Variants in FBXL14 observed in about 807,000 individuals in gnomAD.
The protein encoded by FBXL14 is F-box/LRR-repeat protein 14.
FBXL14 carries 11 observed loss-of-function variants against 24.5 expected under a neutral mutation model. The observed-to-expected ratio is 0.45, with a 90% CI of 0.28 to 0.74. The LOEUF is 0.74. Among genes scored for constraint, FBXL14 ranks in the 30% least tolerant of loss-of-function variants. The pLI, the probability that FBXL14 is intolerant of heterozygous loss-of-function variation, is 0.12. For missense variants in FBXL14, 384 were observed against 545.6 expected, an observed-to-expected ratio of 0.70 and a Z score of 2.95; for synonymous variants, 294 against 240.4, an observed-to-expected ratio of 1.22 and a Z score of -2.06.
intron 1 of FBXL14, among the ~76,000 whole-genome samples, chr12:1,584,608 C>A (rs942801060): frequency 1.3e-5 from 2 of 152,218 alleles, no homozygotes; most frequent in Non-Finnish European, 2.9e-5. Flanking sequence ...CTACTCCAGG[C>A]TCTGGAAACT....
chr12:1,572,132 G>GA (rs1384147921), intron 1 of FBXL14, among the ~76,000 whole-genome samples: 7 of 151,368 alleles, frequency 4.6e-5, no homozygotes, highest in African/African-American at 1.2e-4. Context: ...TGGGGGCAGT[G>GA]AAAAAAAAAG....
In FBXL14 at chr12:1,593,926, C is replaced by G; in HGVS notation, c.141G>C (p.Gly47=). 10 of 1,578,060 alleles carry G rather than the reference C, an allele frequency of 6.3e-6. No homozygotes were observed. Among genetic ancestry groups the G allele is most frequent in the Non-Finnish European group, 7.7e-6 (9 of 1,169,178 alleles). ...DAAYHKSVWR[G]VEAKLHLRRA... ...GGCGCAGGTGCAGCTTGGCCTCCAC[C>G]CCCCGCCACACCGACTTGTGGTAGG... The change falls in exon 1 of 2, where the codon GGG becomes GGC. Residue 47 remains glycine, a synonymous_variant. Coordinates refer to ENST00000339235, the MANE Select transcript of FBXL14 (RefSeq NM_152441.3). The surrounding 1 kb of genome is among the most constrained non-coding windows in gnomAD (Gnocchi z 7.4).
intron 1 of FBXL14, among the ~76,000 whole-genome samples, chr12:1,578,084 T>A (rs936945244): frequency 4.6e-5 from 7 of 152,210 alleles, no homozygotes; most frequent in South Asian, 2.1e-4. Context: ...AACTGCGATA[T>A]AATTTCCTTC....
At position 1,576,390 on chromosome 12, in the gene FBXL14, G is replaced by A. The variant is rs183945214; in HGVS notation, c.1195-9580C>T. ...AGTAAAATAGGTTGAAACTGACATC[G>A]AGGGCAGCTTCAAGAAGGTGGGGAG... is the stretch of plus-strand genomic sequence containing the variant. On this transcript the variant is annotated intron_variant, in intron 1 of 1. Transcript: ENST00000339235. Among the ~76,000 whole-genome samples, 4 of 152,118 alleles carry A rather than the reference G, an allele frequency of 2.6e-5. No individual in the cohort carries two copies. In the East Asian group the frequency reaches 5.8e-4, roughly 22 times the overall value.
At chr12:1,590,918 C>T (rs1278711516) in intron 1 of FBXL14, among the ~76,000 whole-genome samples, 4 of 152,198 alleles carry the variant, frequency 2.6e-5, no homozygotes, top group South Asian at 4.1e-4. Flanking sequence ...TTCACATCCT[C>T]CCCACACCCA....
In FBXL14 at chr12:1,566,285, A is replaced by G. The variant is rs971462094; in HGVS notation, c.*463T>C. 2.0e-5 allele frequency: 3 copies of G among 152,500 alleles called. No individual in the cohort carries two copies. The highest frequency in any genetic ancestry group is 4.4e-5 in the Non-Finnish European group (3 of 68,126). The allele number at this position is 152,500 out of a possible 1,614,324, so 9.4% of individuals were successfully genotyped here. ...TGAATTCCTTGTGTGTCCAGCTATC[A>G]CTATGTAATGATATTTTACGTTCTC... is the stretch of plus-strand genomic sequence containing the variant. On this transcript the variant is annotated 3_prime_UTR_variant, in exon 2 of 2. Transcript: ENST00000339235.
At chr12:1,586,966 GGT>G (rs2094477944) in intron 1 of FBXL14, among the ~76,000 whole-genome samples, 1 of 152,164 alleles carries the variant, frequency 6.6e-6, no homozygotes, top group African/African-American at 2.4e-5. Flanking sequence ...GGCCGGGCGC[GGT>G]GGCTCATGCC....
Position 1,593,971 on chromosome 12 carries a change from G to T in FBXL14, c.96C>A (p.Cys32Ter). ...GGTAGGCGGCGTCCCGCCAGGCGGT[G>T]CACACCTGCGCCGCGCGCCCCTTGT... Reference protein sequence around the residue: ...VRDKGRAAQVCTAWRDAAYHK... With the variant: ...VRDKGRAAQV Residue 32 changes from cysteine (C) to a stop codon, truncating the protein, a stop_gained, in exon 1 of 2, where the codon TGC (cysteine) becomes TGA (stop). Transcript: ENST00000339235. LOFTEE classifies it high-confidence loss of function. This position sits in a 1 kb window ranked among gnomAD's most constrained non-coding sequence, Gnocchi z 7.4. 1 of 1,587,218 alleles carries T rather than the reference G, an allele frequency of 6.3e-7. No individual in the cohort carries two copies. Among genetic ancestry groups the T allele is most frequent in the South Asian group, 1.1e-5 (1 of 89,562 alleles).
intron 1 of FBXL14, among the ~76,000 whole-genome samples, chr12:1,581,652 G>A: frequency 6.6e-6 from 1 of 152,212 alleles, no homozygotes; most frequent in East Asian, 1.9e-4. Context: ...CACAGAACTA[G>A]AGTGACAGCC....
chr12:1,574,421 T>TGGATGGAGGCTG, intron 1 of FBXL14, among the ~76,000 whole-genome samples: 2 of 20,696 alleles, frequency 9.7e-5, no homozygotes, highest in East Asian at 1.1e-3. Flanking sequence ...GGCAGTGGTG[T>TGGATGGAGGCTG]GGGTGGAGCC....
chr12:1,578,049 A>G (rs549386212), intron 1 of FBXL14, among the ~76,000 whole-genome samples: 18 of 152,320 alleles, frequency 1.2e-4, no homozygotes, highest in African/African-American at 4.1e-4. Flanking sequence ...GTTTGACACA[A>G]TGAACTTTAG....
At chr12:1,573,821 A>G (rs1181634353) in intron 1 of FBXL14, among the ~76,000 whole-genome samples, 4 of 152,182 alleles carry the variant, frequency 2.6e-5, no homozygotes, top group Admixed American at 2.6e-4. Context: ...CCTGACCAAC[A>G]TGGAGAAACC....
intron 1 of FBXL14, among the ~76,000 whole-genome samples, 158 bp from the exon 2 acceptor site, chr12:1,566,968 C>T (rs867495773): frequency 2.3e-4 from 35 of 152,226 alleles, no homozygotes; most frequent in African/African-American, 7.5e-4. Context: ...AGCCATCTCC[C>T]GGCTCACTTA....
intron 1 of FBXL14, among the ~76,000 whole-genome samples, chr12:1,571,267 G>GCC (rs2094445071): frequency 6.6e-6 from 1 of 152,006 alleles, no homozygotes; most frequent in Non-Finnish European, 1.5e-5. Context: ...GGAGTGCAAT[G>GCC]GCATGATCTC....
Position 1,566,001 on chromosome 12 carries a change from A to G in FBXL14, c.*747T>C, listed in dbSNP as rs550119207. 9 of 152,642 alleles carry G rather than the reference A, an allele frequency of 5.9e-5. 1 individual carries two copies. The highest frequency in any genetic ancestry group is 2.2e-4 in the African/African-American group (9 of 41,464). 9.5% of individuals were successfully genotyped at this position (152,642 alleles called of 1,614,324 possible). A position where few individuals can be genotyped will look rare whatever the true frequency, so the allele number is the denominator to read the frequency against. On this transcript the variant is annotated 3_prime_UTR_variant, in exon 2 of 2. Transcript: ENST00000339235. ...ACAACAAAAAACCCAAATGGAATCT[A>G]TAAAGGGAAGACAGATATATTCTAC...
intron 1 of FBXL14, among the ~76,000 whole-genome samples, chr12:1,581,542 G>A (rs1051484708): frequency 2.0e-5 from 3 of 152,166 alleles, no homozygotes; most frequent in South Asian, 2.1e-4. Flanking sequence ...GGCCTGTCCC[G>A]GAAATGCTTT....
chr12:1,567,127 C>T lies in FBXL14; in HGVS notation c.1195-317G>A, dbSNP rs1345519149. Reference sequence around the variant, plus strand: ...GCCTCTTTACAGCAGCTGCCTTTACCCGGTCACAGCCACTATCAAGAAAAA... The same window carrying T: ...GCCTCTTTACAGCAGCTGCCTTTACTCGGTCACAGCCACTATCAAGAAAAA... On this transcript the variant is annotated intron_variant, in intron 1 of 1. Transcript: ENST00000339235. The surrounding 1 kb of genome is among the most constrained non-coding windows in gnomAD (Gnocchi z 4.8). 6.6e-6 allele frequency among the ~76,000 whole-genome samples: 1 copy of T among 152,078 alleles called. No individual in the cohort carries two copies.
chr12:1,567,747 G>A lies in FBXL14; in HGVS notation c.1195-937C>T, dbSNP rs888621267. On this transcript the variant is annotated intron_variant, in intron 1 of 1. Coordinates refer to ENST00000339235, the MANE Select transcript of FBXL14 (RefSeq NM_152441.3). This position sits in a 1 kb window ranked among gnomAD's most constrained non-coding sequence, Gnocchi z 4.8. ...GTGACAGAGAGCAAAGCACGGTGAC[G>A]GAAATGAAGAATGCCGCTGATGGGC... Among the ~76,000 whole-genome samples, 8 of 152,204 alleles carry A rather than the reference G, an allele frequency of 5.3e-5. No individual in the cohort carries two copies. The highest frequency in any genetic ancestry group is 1.2e-4 in the African/African-American group (5 of 41,442).
chr12:1,591,349 T>TG (rs1025332555), intron 1 of FBXL14, among the ~76,000 whole-genome samples: 18 of 145,490 alleles, frequency 1.2e-4, no homozygotes, highest in Middle Eastern at 4.0e-3. Flanking sequence ...AGGCTGTTGT[T>TG]TTTTTTTTTT....
Sources: allele counts gnomAD v4.1 joint callset (sites outside exome capture counted in the v4.1 genomes callset), GRCh38; gene constraint gnomAD v4.1.1; non-coding constraint Gnocchi (gnomAD v3.1); transcripts MANE v1.5; gene names NCBI Gene and HGNC (gene_info 2026-07-23, HGNC 2026-07-21).